Variants in CYP2C19 observed in about 807,000 individuals in gnomAD.
CYP2C19 encodes cytochrome P450 family 2 subfamily C member 19, also known as cytochrome P450 2C19.
A neutral mutation model predicts 40.9 loss-of-function variants in CYP2C19; 59 were observed. The observed-to-expected ratio is 1.44, with a 90% CI of 1.17 to 1.79. The LOEUF (loss-of-function observed/expected upper bound fraction) is 1.79, where lower values mean the gene tolerates loss of function less well. Among genes scored for constraint, CYP2C19 ranks in the 40% most tolerant of loss-of-function variants. The pLI, the probability that CYP2C19 is intolerant of heterozygous loss-of-function variation, is 0.00. For missense variants in CYP2C19, 754 were observed against 596.9 expected (o/e 1.26, Z -2.74); for synonymous variants, 253 against 208.7 (o/e 1.21, Z -1.83).
chr10:94,816,360 C>T (rs1450691397), intron 5 of CYP2C19, among the ~76,000 whole-genome samples: 8 of 150,388 alleles, frequency 5.3e-5, no homozygotes, highest in African/African-American at 2.0e-4. Context: ...TCATTTGTAA[C>T]TTCCAACATA....
intron 1 of CYP2C19, among the ~76,000 whole-genome samples, chr10:94,764,365 CAG>C (rs1462940959): frequency 6.6e-6 from 1 of 152,126 alleles, no homozygotes; most frequent in East Asian, 1.9e-4. Context: ...TAGCTAGACA[CAG>C]AGAGCTGATT....
At chr10:94,847,257 G>A (rs1289793086) in intron 7 of CYP2C19, among the ~76,000 whole-genome samples, 1 of 152,040 alleles carries the variant, frequency 6.6e-6, no homozygotes, top group Non-Finnish European at 1.5e-5. Context: ...TCCCTGGTGT[G>A]TGATGTTCCC....
intron 6 of CYP2C19, among the ~76,000 whole-genome samples, chr10:94,837,959 A>G (rs2134283036): frequency 6.6e-6 from 1 of 152,290 alleles, no homozygotes; most frequent in Non-Finnish European, 1.5e-5. Flanking sequence ...GTGTCCTTGT[A>G]GACTGCACTG....
chr10:94,800,583 T>A (rs1848749858), intron 5 of CYP2C19, among the ~76,000 whole-genome samples: 1 of 152,226 alleles, frequency 6.6e-6, no homozygotes, highest in Non-Finnish European at 1.5e-5. Flanking sequence ...TGTTTAAGTC[T>A]GCAGAAGTTG....
intron 5 of CYP2C19, among the ~76,000 whole-genome samples, chr10:94,809,116 T>C (rs1230357657): frequency 6.6e-6 from 1 of 152,228 alleles, no homozygotes; most frequent in Non-Finnish European, 1.5e-5. Flanking sequence ...ATCTCTTGGA[T>C]ATAAGCCACT....
At position 94,845,513 on chromosome 10, in the gene CYP2C19, C is replaced by T. The variant is rs116407804; in HGVS notation, c.1149+2489C>T. On this transcript the variant is annotated intron_variant, in intron 7 of 8. Coordinates refer to ENST00000371321, the MANE Select transcript of CYP2C19 (RefSeq NM_000769.4). ...CAGTAGAATTTTCTGCAAAGATGCTCGATTGATTTGTGTCCTATTTAAAGA... is the reference window on the plus strand; with the variant it reads ...CAGTAGAATTTTCTGCAAAGATGCTTGATTGATTTGTGTCCTATTTAAAGA... Among the ~76,000 whole-genome samples the T allele has an allele frequency of 3.1e-3, 478 of 152,194 alleles. 3 individuals carry two copies. Among genetic ancestry groups the T allele is most frequent in the African/African-American group, 0.011 (454 of 41,534 alleles).
chr10:94,841,884 T>G lies in CYP2C19; in HGVS notation c.962-953T>G, dbSNP rs114964295. On this transcript the variant is annotated intron_variant, in intron 6 of 8. Transcript: ENST00000371321. Reference sequence around the variant, plus strand: ...TTGATATTATTTCAGTTTCTTTGAGTGTTTTAAGACTTGTTCTGTGACCTA... The same window carrying G: ...TTGATATTATTTCAGTTTCTTTGAGGGTTTTAAGACTTGTTCTGTGACCTA... Among the ~76,000 whole-genome samples the G allele has an allele frequency of 3.1e-3, 473 of 152,312 alleles. 3 individuals are homozygous for G. Among genetic ancestry groups the G allele is most frequent in the African/African-American group, 0.011 (450 of 41,590 alleles).
At chr10:94,783,904 T>C (rs115159754) in intron 5 of CYP2C19, among the ~76,000 whole-genome samples, 53 of 152,278 alleles carry the variant, frequency 3.5e-4, no homozygotes, top group African/African-American at 1.3e-3. Flanking sequence ...ATTTTAAAAA[T>C]TGAAGTAAAA....
At chr10:94,786,319 T>C (rs182854987) in intron 5 of CYP2C19, among the ~76,000 whole-genome samples, 139 of 152,200 alleles carry the variant, frequency 9.1e-4, no homozygotes, top group African/African-American at 3.1e-3. Context: ...TTTAGATCAC[T>C]TTGAGGAGTA....
intron 5 of CYP2C19, among the ~76,000 whole-genome samples, chr10:94,783,568 G>C (rs1848504972): frequency 6.6e-6 from 1 of 151,988 alleles, no homozygotes; most frequent in African/African-American, 2.4e-5. Context: ...GAATTGTCTT[G>C]ACAACCTTGT....
chr10:94,851,057 T>C (rs1399439267), intron 8 of CYP2C19, among the ~76,000 whole-genome samples: 2 of 152,134 alleles, frequency 1.3e-5, no homozygotes, highest in Non-Finnish European at 2.9e-5. Context: ...ATTTAGCACA[T>C]GTATCAGTCC....
chr10:94,807,020 T>C (rs894722848), intron 5 of CYP2C19, among the ~76,000 whole-genome samples: 3 of 152,128 alleles, frequency 2.0e-5, no homozygotes, highest in Admixed American at 2.0e-4. Flanking sequence ...AAGTTTTGTA[T>C]CTGTTAACCA....
chr10:94,831,479 C>G (rs1849334514), intron 6 of CYP2C19, among the ~76,000 whole-genome samples: 1 of 152,156 alleles, frequency 6.6e-6, no homozygotes, highest in African/African-American at 2.4e-5. Flanking sequence ...AACATTCAAA[C>G]AGCTCTCCAT....
chr10:94,847,919 C>G (rs144599632), intron 7 of CYP2C19, among the ~76,000 whole-genome samples: 7,400 of 151,858 alleles, frequency 0.049, 239 homozygotes, highest in South Asian at 0.12. Context: ...CTTTTTGATG[C>G]GGTTGTTTGT....
intron 5 of CYP2C19, among the ~76,000 whole-genome samples, chr10:94,797,334 G>A: frequency 6.6e-6 from 1 of 152,082 alleles, no homozygotes; most frequent in Non-Finnish European, 1.5e-5. Flanking sequence ...GCATCCCAGG[G>A]ATGAAGCCAA....
chr10:94,779,300 A>T (rs999966358), intron 3 of CYP2C19, among the ~76,000 whole-genome samples: 26 of 152,116 alleles, frequency 1.7e-4, no homozygotes, highest in African/African-American at 6.3e-4. Context: ...TAAAAAATAT[A>T]AAGTTTAACA....
intron 6 of CYP2C19, among the ~76,000 whole-genome samples, chr10:94,824,370 A>G (rs191269992): frequency 2.0e-5 from 3 of 152,318 alleles, no homozygotes. Flanking sequence ...AGTAAGAAAT[A>G]GAAACAAGGT....
rs559625532 is a variant in CYP2C19, at chr10:94,787,896, C to A, written c.819+5899C>A. Among the ~76,000 whole-genome samples the A allele has an allele frequency of 3.9e-5, 6 of 152,126 alleles. No individual in the cohort carries two copies. In the South Asian group the frequency reaches 8.3e-4, roughly 21 times the overall value. On this transcript the variant is annotated intron_variant, in intron 5 of 8. Transcript: ENST00000371321. ...AATTTTAGAATAGTTTTTCCTTATT[C>A]TGTGAAAAATGACATTGGTAGTTTG...
At chr10:94,826,476 T>C (rs1158479873) in intron 6 of CYP2C19, among the ~76,000 whole-genome samples, 2 of 152,200 alleles carry the variant, frequency 1.3e-5, no homozygotes, top group African/African-American at 4.8e-5. Flanking sequence ...TGTTGGTGTA[T>C]AAGAATGCTT....
Sources: gnomAD v4.1 joint callset for allele counts (sites outside exome capture counted in the v4.1 genomes callset) on GRCh38, gnomAD v4.1.1 for gene constraint, MANE v1.5 for transcripts, NCBI Gene and HGNC (gene_info 2026-07-23, HGNC 2026-07-21) for gene names.